The following WHRN variants were observed in gnomAD, a reference collection of about 807,000 sequenced individuals.
WHRN encodes CASK-interacting protein CIP98.
Under a neutral mutation model 68.3 loss-of-function variants are expected in WHRN, and 41 were observed. That is an observed-to-expected ratio of 0.60 (90% CI 0.47 to 0.78). The LOEUF (loss-of-function observed/expected upper bound fraction) is 0.78, where lower values mean the gene tolerates loss of function less well. Ranked by LOEUF, WHRN falls within the 30% of genes least tolerant of loss-of-function variation. The pLI, the probability that WHRN is intolerant of heterozygous loss-of-function variation, is 0.00. For synonymous variants in WHRN, 560 were observed against 561.3 expected, an observed-to-expected ratio of 1.00 and a Z score of 0.03; for missense variants, 1,243 against 1,244.7, an observed-to-expected ratio of 1.00 and a Z score of 0.02.
chr9:114,473,646 G>A (rs1411990689), intron 2 of WHRN, among the ~76,000 whole-genome samples: 1 of 152,212 alleles, frequency 6.6e-6, no homozygotes, highest in Non-Finnish European at 1.5e-5. Context: ...CTGGGAAGCT[G>A]TGCTTCTATC....
Position 114,466,385 on chromosome 9 carries a change from A to C in WHRN, c.845T>G (p.Leu282Arg). 6.2e-7 allele frequency: 1 copy of C among 1,614,032 alleles called. No individual in the cohort carries two copies. Among genetic ancestry groups the C allele is most frequent in the Non-Finnish European group, 8.5e-7 (1 of 1,180,020 alleles). Reference protein sequence around the residue: ...LQGGDEKKVNLVLGDGRSLGL... With the variant: ...LQGGDEKKVNRVLGDGRSLGL... ...CAGGGACCGGCCGTCCCCCAGCACC[A>C]GGTTCACCTGTCAGAGGGAGAGGAT... Residue 282 changes from leucine to arginine, a missense_variant, in exon 3 of 12, where the codon CTG becomes CGG. Leu to Arg is a moderately radical substitution (Grantham distance 102). Coordinates refer to ENST00000362057, the MANE Select transcript of WHRN (RefSeq NM_015404.4).
At chr9:114,488,944 C>T (rs1174074281) in intron 1 of WHRN, among the ~76,000 whole-genome samples, 4 of 152,122 alleles carry the variant, frequency 2.6e-5, no homozygotes, top group African/African-American at 9.7e-5. Flanking sequence ...AAACTCTCCC[C>T]ATTGCTTCTG....
intron 4 of WHRN, chr9:114,425,938 A>T: frequency 2.0e-6 from 1 of 505,534 alleles, no homozygotes; most frequent in Non-Finnish European, 3.6e-6. Flanking sequence ...CACTTTTTGG[A>T]TGAAGCAACT....
intron 1 of WHRN, among the ~76,000 whole-genome samples, chr9:114,487,159 G>A (rs1842618772): frequency 6.8e-6 from 1 of 148,070 alleles, no homozygotes; most frequent in South Asian, 2.1e-4. Flanking sequence ...TTTAGCACCT[G>A]GAACCTAGGT....
intron 1 of WHRN, among the ~76,000 whole-genome samples, chr9:114,488,892 A>C (rs1003999113): frequency 1.3e-5 from 2 of 152,124 alleles, no homozygotes; most frequent in African/African-American, 4.8e-5. Context: ...CAACCAGAGA[A>C]TCCTTATAAA....
chr9:114,430,851 G>A (rs1479459307), intron 3 of WHRN, among the ~76,000 whole-genome samples: 1 of 152,120 alleles, frequency 6.6e-6, no homozygotes, highest in Non-Finnish European at 1.5e-5. Flanking sequence ...TTCCTCCAGA[G>A]CCTGTGTTCA....
intron 3 of WHRN, among the ~76,000 whole-genome samples, chr9:114,463,818 C>T (rs1410702940): frequency 6.6e-6 from 1 of 152,204 alleles, no homozygotes; most frequent in African/African-American, 2.4e-5. Flanking sequence ...ATTTCAGAAT[C>T]AACTAGACCT....
At chr9:114,442,062 T>G (rs1328040080) in intron 3 of WHRN, among the ~76,000 whole-genome samples, 1 of 152,030 alleles carries the variant, frequency 6.6e-6, no homozygotes, top group East Asian at 1.9e-4. Flanking sequence ...CCATCAGATA[T>G]CCCAAATAGA....
At chr9:114,438,436 T>C (rs1838055794) in intron 3 of WHRN, among the ~76,000 whole-genome samples, 1 of 151,078 alleles carries the variant, frequency 6.6e-6, no homozygotes, top group Non-Finnish European at 1.5e-5. Flanking sequence ...CTTAACGGAA[T>C]CCCACTTTCT....
At chr9:114,422,356 C>T (rs1016541665) in intron 7 of WHRN, among the ~76,000 whole-genome samples, 1 of 152,224 alleles carries the variant, frequency 6.6e-6, no homozygotes, top group Non-Finnish European at 1.5e-5. Flanking sequence ...GACCTCCAGC[C>T]CTGACTTTTC....
chr9:114,435,301 G>A (rs1302574289), intron 3 of WHRN, among the ~76,000 whole-genome samples: 2 of 152,178 alleles, frequency 1.3e-5, no homozygotes, highest in African/African-American at 2.4e-5. Flanking sequence ...TAAATAAATG[G>A]ATGAGCAGGC....
At chr9:114,407,716 T>C (rs999634395) in intron 8 of WHRN, among the ~76,000 whole-genome samples, 2 of 152,130 alleles carry the variant, frequency 1.3e-5, no homozygotes, top group Non-Finnish European at 2.9e-5. Flanking sequence ...CCAGCCAGCC[T>C]GAAGGCCCCG....
Position 114,423,427 on chromosome 9 carries a change from C to G in WHRN, c.1513G>C (p.Ala505Pro). ...GCCCCGGGGCCTGGGGGCTGCCGCG[C>G]CTTCATGGACTCAATCTCACGCCTC... ...VLRREIESMK[A>P]RQPPGPGAGD... Residue 505 changes from alanine to proline, a missense_variant, in exon 7 of 12, where the codon GCG (alanine) becomes CCG (proline). Transcript: ENST00000362057. 6.2e-7 allele frequency: 1 copy of G among 1,614,060 alleles called. No homozygotes were observed. Among genetic ancestry groups the G allele is most frequent in the South Asian group, 1.1e-5 (1 of 91,066 alleles).
At chr9:114,460,601 C>T (rs766211363) in intron 3 of WHRN, among the ~76,000 whole-genome samples, 22 of 152,254 alleles carry the variant, frequency 1.4e-4, no homozygotes, top group South Asian at 8.3e-4. Flanking sequence ...GGCTGTTAGC[C>T]CCCACTGGGG....
chr9:114,406,676 T>C lies in WHRN; in HGVS notation c.1915A>G (p.Thr639Ala). 1.2e-6 allele frequency: 2 copies of C among 1,613,634 alleles called. No homozygotes were observed. Among genetic ancestry groups the C allele is most frequent in the Non-Finnish European group, 1.7e-6 (2 of 1,179,946 alleles). Reference sequence around the variant, plus strand: ...GAGGGCAAGTCCTGTGCAGAGGAGGTCCCTGGGGTGGGTGCGGTGCCCGCT... The same window carrying C: ...GAGGGCAAGTCCTGTGCAGAGGAGGCCCCTGGGGTGGGTGCGGTGCCCGCT... ...PPAGTAPTPGTSSAQDLPSSP... is the reference protein window; with the variant it reads ...PPAGTAPTPGASSAQDLPSSP... The change falls in exon 9 of 12, where the codon ACC becomes GCC. Residue 639 changes from threonine (T) to alanine (A), a missense_variant. Coordinates refer to ENST00000362057, the MANE Select transcript of WHRN (RefSeq NM_015404.4).
At chr9:114,450,387 G>A (rs1839215187) in intron 3 of WHRN, among the ~76,000 whole-genome samples, 1 of 152,110 alleles carries the variant, frequency 6.6e-6, no homozygotes, top group Non-Finnish European at 1.5e-5. Flanking sequence ...GACAATACAA[G>A]ACTGTCCCCT....
chr9:114,477,678 G>A (rs1841762162), intron 2 of WHRN, among the ~76,000 whole-genome samples: 1 of 152,172 alleles, frequency 6.6e-6, no homozygotes, highest in Non-Finnish European at 1.5e-5. Flanking sequence ...AGAACGGAAT[G>A]GTGGACATCC....
rs1272116041 is a variant in WHRN at position 114,461,032 on chromosome 9, A to G, written c.963+5235T>C. Among the ~76,000 whole-genome samples the G allele has an allele frequency of 2.6e-5, 4 of 152,314 alleles. No homozygotes were observed. The East Asian group carries it at 7.7e-4, about 29-fold the overall frequency. ...AAGTACAATAAACAGCAGGAATATA[A>G]AATGCTTTACTGCGGAGGGGATTGA... On this transcript the variant is annotated intron_variant, in intron 3 of 11. Transcript: ENST00000362057.
At chr9:114,422,032 A>G (rs1836334648) in intron 7 of WHRN, among the ~76,000 whole-genome samples, 1 of 152,208 alleles carries the variant, frequency 6.6e-6, no homozygotes, top group Admixed American at 6.5e-5. Flanking sequence ...GCAAAAGAGA[A>G]GGGTGCATGC....
Sources: allele counts gnomAD v4.1 joint callset (sites outside exome capture counted in the v4.1 genomes callset), GRCh38; gene constraint gnomAD v4.1.1; transcripts MANE v1.5; gene names NCBI Gene and HGNC (gene_info 2026-07-23, HGNC 2026-07-21).